Variants in CFAP46 observed in about 807,000 individuals in gnomAD.
The protein encoded by CFAP46 is cilia and flagella associated protein 46.
Under a neutral mutation model 325.7 loss-of-function variants are expected in CFAP46, and 245 were observed. The observed-to-expected ratio is 0.75, with a 90% CI of 0.68 to 0.84. The LOEUF (loss-of-function observed/expected upper bound fraction) is 0.84. Ranked by LOEUF, CFAP46 falls within the 40% of genes least tolerant of loss-of-function variation. The pLI is 0.00. For synonymous variants in CFAP46, 1,523 were observed against 1,495.9 expected, an observed-to-expected ratio of 1.02 and a Z score of -0.42; for missense variants, 3,346 against 3,543.0, an observed-to-expected ratio of 0.94 and a Z score of 1.41.
chr10:132,888,036 T>C (rs1241788570), intron 25 of CFAP46, among the ~76,000 whole-genome samples: 4 of 100,510 alleles, frequency 4.0e-5, no homozygotes, highest in Non-Finnish European at 6.0e-5. Flanking sequence ...TCTCCCCTCT[T>C]CTCTCTCTCC....
intron 28 of CFAP46, among the ~76,000 whole-genome samples, chr10:132,880,073 G>A (rs1849015885): frequency 6.6e-6 from 1 of 151,970 alleles, no homozygotes; most frequent in Non-Finnish European, 1.5e-5. Flanking sequence ...ATTGTCGAGT[G>A]CTCTAGGATG....
At chr10:132,922,827 G>T in intron 11 of CFAP46, 119 bp from the exon 12 acceptor site, 2 of 771,562 alleles carry the variant, frequency 2.6e-6, no homozygotes, top group Admixed American at 2.5e-5. Flanking sequence ...CTTGGTGCCC[G>T]GTGCCCCTGG....
At chr10:132,840,301 G>A (rs1848328570) in intron 44 of CFAP46, among the ~76,000 whole-genome samples, 1 of 152,206 alleles carries the variant, frequency 6.6e-6, no homozygotes, top group South Asian at 2.1e-4. Context: ...TCATCTCAGG[G>A]ATGGGTCTTT....
At chr10:132,826,921 C>T (rs1171994638) in intron 50 of CFAP46, among the ~76,000 whole-genome samples, 13 of 152,134 alleles carry the variant, frequency 8.5e-5, no homozygotes, top group Admixed American at 5.9e-4. Flanking sequence ...CTGTGGGCGG[C>T]GAGCTGGGCT....
chr10:132,919,280 C>T lies in CFAP46; in HGVS notation c.1858+35G>A, dbSNP rs1849684905. 1 of 1,529,420 alleles carries T rather than the reference C, an allele frequency of 6.5e-7. No homozygotes were observed. The highest frequency in any genetic ancestry group is 8.8e-7 in the Non-Finnish European group (1 of 1,134,360). 94.7% of individuals were successfully genotyped at this position (1,529,420 alleles called of 1,614,324 possible). Reference sequence around the variant, plus strand: ...CCCACACCCAGAGGGCGGCCGTGGCCAGGCTGGGACACACTCGTGAGGGCG... The same window carrying T: ...CCCACACCCAGAGGGCGGCCGTGGCTAGGCTGGGACACACTCGTGAGGGCG... On this transcript the variant is annotated intron_variant, in intron 15 of 57. Coordinates refer to ENST00000368586, the MANE Select transcript of CFAP46 (RefSeq NM_001200049.3). This position sits in a 1 kb window ranked among gnomAD's most constrained non-coding sequence, Gnocchi z 9.7.
intron 31 of CFAP46, among the ~76,000 whole-genome samples, chr10:132,873,575 A>C (rs1303074749): frequency 6.6e-6 from 1 of 151,460 alleles, no homozygotes; most frequent in Non-Finnish European, 1.5e-5. Context: ...GGGCTTAGAA[A>C]ACGGGGTTCA....
chr10:132,874,759 A>G (rs988319860), intron 31 of CFAP46, among the ~76,000 whole-genome samples: 2 of 151,676 alleles, frequency 1.3e-5, no homozygotes, highest in Non-Finnish European at 2.9e-5. Context: ...GAATAGAAAT[A>G]AACTTCCTTC....
Position 132,845,813 on chromosome 10 carries a change from T to C in CFAP46, c.6438+244A>G, listed in dbSNP as rs111578512. On this transcript the variant is annotated intron_variant, in intron 44 of 57. Transcript: ENST00000368586. ...TGCAGGCCTGGCTGTGCGTTTGTAG[T>C]TGTGACCTCGCCAACCTCACCGCAC... Among the ~76,000 whole-genome samples, 313 of 152,232 alleles carry C rather than the reference T, an allele frequency of 2.1e-3. 1 individual carries two copies. Among genetic ancestry groups the C allele is most frequent in the African/African-American group, 7.2e-3 (298 of 41,530 alleles).
intron 27 of CFAP46, among the ~76,000 whole-genome samples, chr10:132,883,632 C>T (rs1043342108): frequency 5.3e-5 from 8 of 152,222 alleles, no homozygotes; most frequent in African/African-American, 1.7e-4. Flanking sequence ...CCCCGGGGGA[C>T]GAGGACCGGG....
chr10:132,870,212 GCT>G (rs1246979090), intron 32 of CFAP46, among the ~76,000 whole-genome samples: 1 of 152,120 alleles, frequency 6.6e-6, no homozygotes, highest in Admixed American at 6.5e-5. Flanking sequence ...TGTCCCGTGG[GCT>G]CTGATTGCTC....
intron 5 of CFAP46, among the ~76,000 whole-genome samples, chr10:132,938,311 G>A (rs1026806799): frequency 3.9e-5 from 6 of 152,270 alleles, no homozygotes; most frequent in East Asian, 1.9e-4. Context: ...GCCAGGCTGC[G>A]TGGGGCAGGA....
rs772489270 is a variant in CFAP46, at chr10:132,898,992, G to A, written c.3186C>T (p.Ile1062=). 52 of 1,550,436 alleles carry A rather than the reference G, an allele frequency of 3.4e-5. 1 individual carries two copies. Among genetic ancestry groups the A allele is most frequent in the East Asian group, 3.2e-4 (13 of 40,910 alleles). ...KKAKGALKRL[I]GIINKTEARK... Reference sequence around the variant, plus strand: ...TGGCCTCTGTCTTGTTGATGATGCCGATGAGCCTCTTCAGGGCACCCTTGG... The same window carrying A: ...TGGCCTCTGTCTTGTTGATGATGCCAATGAGCCTCTTCAGGGCACCCTTGG... The change falls in exon 24 of 58, where the codon ATC becomes ATT. Residue 1062 remains isoleucine (I), a synonymous_variant. Coordinates refer to ENST00000368586, the MANE Select transcript of CFAP46 (RefSeq NM_001200049.3).
intron 54 of CFAP46, 78 bp downstream of exon 54, chr10:132,814,074 G>A: frequency 8.8e-7 from 1 of 1,137,918 alleles, no homozygotes; most frequent in South Asian, 1.3e-5. Flanking sequence ...AGGGAGCCGG[G>A]GGTAGGGGGC....
chr10:132,838,658 A>G (rs1445405874), intron 44 of CFAP46, among the ~76,000 whole-genome samples: 1 of 152,266 alleles, frequency 6.6e-6, no homozygotes, highest in East Asian at 1.9e-4. Context: ...GGCCAAGGGC[A>G]TCTGGGTGGC....
intron 24 of CFAP46, among the ~76,000 whole-genome samples, chr10:132,896,894 T>C (rs1394951900): frequency 6.6e-6 from 1 of 152,154 alleles, no homozygotes; most frequent in East Asian, 1.9e-4. Context: ...TCAAATAGCA[T>C]AGTGTTGGCA....
At chr10:132,935,134 C>G (rs1284696668) in intron 7 of CFAP46, among the ~76,000 whole-genome samples, 1 of 152,088 alleles carries the variant, frequency 6.6e-6, no homozygotes, top group East Asian at 1.9e-4. Flanking sequence ...CACATAGGAG[C>G]CAAACACGGG....
At chr10:132,831,715 T>C (rs543394386) in intron 50 of CFAP46, among the ~76,000 whole-genome samples, 1 of 152,228 alleles carries the variant, frequency 6.6e-6, no homozygotes, top group Non-Finnish European at 1.5e-5. Flanking sequence ...TGGGGGTGTT[T>C]AGACACTTAA....
chr10:132,887,494 C>T (rs111065538), intron 25 of CFAP46, among the ~76,000 whole-genome samples: 1,150 of 98,104 alleles, frequency 0.012, 152 homozygotes, highest in African/African-American at 0.048. Flanking sequence ...TCTCCCCTCT[C>T]GCCTATTTCC....
rs192920287 is a variant in CFAP46, at chr10:132,900,597, G to A, written c.2925-931C>T. 1.2e-3 allele frequency among the ~76,000 whole-genome samples: 190 copies of A among 152,376 alleles called. 1 individual carries two copies. The highest frequency in any genetic ancestry group is 4.2e-3 in the African/African-American group (176 of 41,596). The stretch of plus-strand genomic sequence containing the variant: ...CCCAAAGGAGTCAAAGGAGGAAGGC[G>A]CTGCCCCTTGGCCTGCATGGGCCTG... On this transcript the variant is annotated intron_variant, in intron 22 of 57. Transcript: ENST00000368586.
Sources: gnomAD v4.1 joint callset for allele counts (sites outside exome capture counted in the v4.1 genomes callset) on GRCh38, gnomAD v4.1.1 for gene constraint, Gnocchi (gnomAD v3.1) non-coding constraint, MANE v1.5 for transcripts, NCBI Gene and HGNC (gene_info 2026-07-23, HGNC 2026-07-21) for gene names.